Variants in NCOA4 observed in about 807,000 individuals in gnomAD.
NCOA4 encodes nuclear receptor coactivator 4.
A neutral mutation model predicts 69.5 loss-of-function variants in NCOA4; 31 were observed. The observed-to-expected ratio is 0.45, with a 90% confidence interval of 0.34 to 0.60. The LOEUF (loss-of-function observed/expected upper bound fraction) is 0.60. Ranked by LOEUF, NCOA4 falls within the 20% of genes least tolerant of loss-of-function variation. The pLI is 0.02. For missense variants in NCOA4, 600 were observed against 719.2 expected (o/e 0.83, Z 1.90); for synonymous variants, 228 against 252.4 (o/e 0.90, Z 0.92).
Position 46,012,951 on chromosome 10 carries a change from C to G in NCOA4, c.646G>C (p.Ala216Pro). 6.2e-7 allele frequency: 1 copy of G among 1,614,150 alleles called. No homozygotes were observed. Among genetic ancestry groups the G allele is most frequent in the Non-Finnish European group, 8.5e-7 (1 of 1,180,012 alleles). ...GGGTCGGTGCTGGGTATGTAAGGAG[C>G]TTGATAACCACTGGCAGGTTTGCTT... is the stretch of plus-strand genomic sequence containing the variant. ...LGSKPASGYQ[A>P]PYIPSTDPQD... Residue 216 changes from alanine (A) to proline (P), a missense_variant, in exon 7 of 10, where the codon GCT becomes CCT. Transcript: ENST00000581486.
Position 46,014,448 on chromosome 10 carries a change from G to GT in NCOA4, c.475dup (p.Thr159AsnfsTer6). ...GAAGCATATGAGATTACTCACAATGGTTTTGAGAGACCCAAATGTGGTGAT... is the reference window on the plus strand; with the variant it reads ...GAAGCATATGAGATTACTCACAATGGTTTTTGAGAGACCCAAATGTGGTGAT... On this transcript the variant is annotated frameshift_variant, in exon 5 of 10. Transcript: ENST00000581486. LOFTEE classifies it high-confidence loss of function. 6.2e-7 allele frequency: 1 copy of GT among 1,603,246 alleles called. No homozygotes were observed. The highest frequency in any genetic ancestry group is 8.5e-7 in the Non-Finnish European group (1 of 1,170,286).
chr10:46,014,859 C>T lies in NCOA4; in HGVS notation c.366G>A (p.Leu122=). The change falls in exon 4 of 10, where the codon CTG becomes CTA. Residue 122 remains leucine (L), a synonymous_variant. Coordinates refer to ENST00000581486, the MANE Select transcript of NCOA4 (RefSeq NM_001145263.2). ...KDLANQVSVC[L]ERLGSLTLKP... Reference sequence around the variant, plus strand: ...TACGCAAAAAGGGTCATTACCTCTCCAGGCACACAGAGACTTGATTGGCTA... The same window carrying T: ...TACGCAAAAAGGGTCATTACCTCTCTAGGCACACAGAGACTTGATTGGCTA... The T allele has an allele frequency of 6.2e-7, 1 of 1,613,358 alleles. No individual in the cohort carries two copies. The highest frequency in any genetic ancestry group is 8.5e-7 in the Non-Finnish European group (1 of 1,179,430).
At chr10:46,006,758 G>C (rs1402703009) in intron 9 of NCOA4, among the ~76,000 whole-genome samples, 161 bp from the exon 10 acceptor site, 1 of 152,188 alleles carries the variant, frequency 6.6e-6, no homozygotes, top group Non-Finnish European at 1.5e-5. Flanking sequence ...GCCCATTAAA[G>C]ATGGTAAACT....
At chr10:46,014,975 G>T in intron 3 of NCOA4, 33 bp from the exon 4 acceptor site, 2 of 1,596,924 alleles carry the variant, frequency 1.3e-6, no homozygotes, top group South Asian at 2.2e-5. Flanking sequence ...TAGCCACAAT[G>T]ACACCAAAAG....
intron 1 of NCOA4, chr10:46,019,264 G>T: frequency 2.2e-6 from 2 of 917,132 alleles, no homozygotes; most frequent in Non-Finnish European, 2.6e-6. Context: ...TAAGCTGCCT[G>T]TGTTAGGCAG....
chr10:46,025,275 T>C (rs1353958573), intron 1 of NCOA4, among the ~76,000 whole-genome samples: 2 of 152,136 alleles, frequency 1.3e-5, no homozygotes, highest in Non-Finnish European at 2.9e-5. Context: ...CTCCAGCAAA[T>C]AGATCTGCCT....
chr10:46,015,394 T>G, intron 2 of NCOA4, 128 bp from the exon 3 acceptor site: 1 of 734,192 alleles, frequency 1.4e-6, no homozygotes, highest in Non-Finnish European at 2.3e-6. Context: ...CTTTTAATTA[T>G]CCAATGACAT....
intron 1 of NCOA4, among the ~76,000 whole-genome samples, chr10:46,030,238 C>T (rs1840385064): frequency 6.6e-6 from 1 of 151,594 alleles, no homozygotes; most frequent in South Asian, 2.1e-4. Flanking sequence ...GACAGGCCCA[C>T]GGCCGGGCAC....
chr10:46,007,581 CTTTTTTTT>C (rs71026287), intron 9 of NCOA4, among the ~76,000 whole-genome samples: 1,747 of 85,354 alleles, frequency 0.02, 16 homozygotes, highest in Non-Finnish European at 0.028. Flanking sequence ...GCCAGTGACT[CTTTTTTTT>C]TTTTTTTTTT....
chr10:46,016,522 G>T lies in NCOA4; in HGVS notation c.141+18C>A. 1 of 1,451,196 alleles carries T rather than the reference G, an allele frequency of 6.9e-7. No individual in the cohort carries two copies. The highest frequency in any genetic ancestry group is 9.2e-7 in the Non-Finnish European group (1 of 1,084,992). The allele number at this position is 1,451,196 out of a possible 1,614,324, so 89.9% of individuals were successfully genotyped here. A position where few individuals can be genotyped will look rare whatever the true frequency, so the allele number is the denominator to read the frequency against. ...TGTCAAGAGTCCAGACAACAGAAGA[G>T]AAAAGCACATGTCACACCTCTCGCA... On this transcript the variant is annotated intron_variant, in intron 2 of 9. Transcript: ENST00000581486.
chr10:46,023,597 CTGCTAGACGCCT>C (rs1840016230), intron 1 of NCOA4: 2 of 902,544 alleles, frequency 2.2e-6, no homozygotes, highest in South Asian at 1.0e-4. Flanking sequence ...CTGGGCCTCC[CTGCTAGACGCCT>C]GCTGCCCCCG....
chr10:46,013,964 A>G (rs552934728), intron 5 of NCOA4, among the ~76,000 whole-genome samples: 2 of 152,330 alleles, frequency 1.3e-5, no homozygotes, highest in South Asian at 4.1e-4. Context: ...GGCATTCCAA[A>G]GAGTATCACT....
intron 1 of NCOA4, among the ~76,000 whole-genome samples, chr10:46,026,527 GTTAAC>G (rs1213413454): frequency 1.3e-5 from 2 of 152,136 alleles, no homozygotes; most frequent in Non-Finnish European, 2.9e-5. Context: ...AGGAAAATAT[GTTAAC>G]TTACCTACTA....
At chr10:46,028,149 C>T (rs1328513602) in intron 1 of NCOA4, among the ~76,000 whole-genome samples, 1 of 152,128 alleles carries the variant, frequency 6.6e-6, no homozygotes, top group Non-Finnish European at 1.5e-5. Flanking sequence ...TCCAGGTATC[C>T]TCGAGCCCAG....
At chr10:46,012,317 G>A (rs1055443198) in intron 7 of NCOA4, among the ~76,000 whole-genome samples, 9 of 152,026 alleles carry the variant, frequency 5.9e-5, no homozygotes, top group South Asian at 2.1e-4. Context: ...GTCTTAAAGC[G>A]TAAGCAGAAT....
At chr10:46,006,734 G>C in intron 9 of NCOA4, 137 bp from the exon 10 acceptor site, 1 of 828,984 alleles carries the variant, frequency 1.2e-6, no homozygotes, top group Non-Finnish European at 2.0e-6. Context: ...TTAAGCATTT[G>C]TGTCATGAAC....
At chr10:46,007,230 C>G (rs113512799) in intron 9 of NCOA4, among the ~76,000 whole-genome samples, 2 of 152,306 alleles carry the variant, frequency 1.3e-5, no homozygotes, top group Non-Finnish European at 1.5e-5. Context: ...ACAACATTCC[C>G]TTAGGCCAAA....
Position 46,006,459 on chromosome 10 carries a change from G to GT in NCOA4, c.*132dup. ...TCTGATGACTCACTTTGCTTTACTA[G>GT]TTCAAAATTAGGCAGGAGAAGAACT... On this transcript the variant is annotated 3_prime_UTR_variant, in exon 10 of 10. Transcript: ENST00000581486. The GT allele has an allele frequency of 2.0e-6, 2 of 1,018,752 alleles. No individual in the cohort carries two copies. 63.1% of individuals were successfully genotyped at this position (1,018,752 alleles called of 1,614,324 possible).
chr10:46,006,692 G>GTA (rs1838837248), intron 9 of NCOA4, 95 bp from the exon 10 acceptor site: 1 of 1,103,922 alleles, frequency 9.1e-7, no homozygotes. Flanking sequence ...CCCAATACAG[G>GTA]TATACCCTTG....
Sources: allele counts gnomAD v4.1 joint callset (sites outside exome capture counted in the v4.1 genomes callset), GRCh38; gene constraint gnomAD v4.1.1; transcripts MANE v1.5; gene names NCBI Gene and HGNC (gene_info 2026-07-23, HGNC 2026-07-21).